Variants in C12orf42 observed in about 807,000 individuals in gnomAD.
C12orf42 encodes the protein uncharacterized protein C12orf42.
Under a neutral mutation model 21.6 loss-of-function variants are expected in C12orf42, and 25 were observed. The ratio of observed to expected loss-of-function variants is 1.16; its 90% CI spans 0.84 to 1.62. C12orf42 has a LOEUF of 1.62. C12orf42 is among the 40% of genes most tolerant of loss of function. The pLI is 0.00. For synonymous variants in C12orf42, 174 were observed against 175.0 expected (o/e 0.99, Z 0.05); for missense variants, 483 against 459.3 (o/e 1.05, Z -0.47).
the C12orf42 span, among the ~76,000 whole-genome samples, chr12:103,131,556 C>T: frequency 1.3e-5 from 2 of 152,140 alleles, no homozygotes; most frequent in African/African-American, 4.8e-5. Flanking sequence ...CATATCTCTT[C>T]GAACTTCCAA....
chr12:103,528,168 C>T, the C12orf42 span, among the ~76,000 whole-genome samples: 3 of 152,020 alleles, frequency 2.0e-5, no homozygotes, highest in Non-Finnish European at 2.9e-5. Context: ...TTAACAAATG[C>T]CAAACATAGG....
At chr12:103,323,255 T>G (rs193272960) in intron 4 of C12orf42, among the ~76,000 whole-genome samples, 1 of 152,210 alleles carries the variant, frequency 6.6e-6, no homozygotes, top group African/African-American at 2.4e-5. Context: ...ACAGCCTCCC[T>G]TTCTGACTTA....
intron 1 of C12orf42, among the ~76,000 whole-genome samples, chr12:103,480,043 T>C (rs910755754): frequency 6.6e-6 from 1 of 151,922 alleles, no homozygotes; most frequent in Middle Eastern, 3.2e-3. Flanking sequence ...TGAATAACTA[T>C]ATTGGTAAAA....
At chr12:103,529,129 C>A in the C12orf42 span, among the ~76,000 whole-genome samples, 1 of 152,162 alleles carries the variant, frequency 6.6e-6, no homozygotes, top group Admixed American at 6.5e-5. Context: ...CCTCCAGGTG[C>A]CTGAGCATGA....
chr12:103,331,094 AG>A (rs568249201), intron 4 of C12orf42, among the ~76,000 whole-genome samples: 61 of 152,328 alleles, frequency 4.0e-4, no homozygotes, highest in Non-Finnish European at 8.4e-4. Flanking sequence ...CAATAAACCC[AG>A]CATAAGTTGA....
At chr12:103,203,925 G>C in the C12orf42 span, among the ~76,000 whole-genome samples, 1 of 152,180 alleles carries the variant, frequency 6.6e-6, no homozygotes, top group African/African-American at 2.4e-5. Context: ...ATTTTTGATA[G>C]GAAGGACATT....
intron 4 of C12orf42, among the ~76,000 whole-genome samples, chr12:103,312,801 C>A (rs1197989000): frequency 2.0e-5 from 3 of 152,184 alleles, no homozygotes; most frequent in South Asian, 2.1e-4. Flanking sequence ...TTTCAAGGTA[C>A]AATAAAATGA....
the C12orf42 span, among the ~76,000 whole-genome samples, chr12:103,078,666 T>A: frequency 1.3e-5 from 2 of 152,256 alleles, no homozygotes; most frequent in Non-Finnish European, 2.9e-5. Flanking sequence ...GGTTAACTTA[T>A]ATCTAGAGAG....
the C12orf42 span, among the ~76,000 whole-genome samples, chr12:103,059,712 C>A: frequency 1.3e-5 from 2 of 152,136 alleles, no homozygotes; most frequent in African/African-American, 2.4e-5. Flanking sequence ...ATAAATAGAA[C>A]CAATGTCAAA....
chr12:103,505,699 G>A, the C12orf42 span: 1 of 218,278 alleles, frequency 4.6e-6, no homozygotes, highest in African/African-American at 2.4e-5. Context: ...TGTAGATGGA[G>A]AGGACAGTTT....
chr12:103,406,124 A>G (rs1174203671), intron 2 of C12orf42, among the ~76,000 whole-genome samples: 3 of 152,220 alleles, frequency 2.0e-5, no homozygotes, highest in Non-Finnish European at 2.9e-5. Flanking sequence ...CAATAAATTC[A>G]GGGAATACAC....
upstream of C12orf42, among the ~76,000 whole-genome samples, chr12:103,498,341 A>G (rs1565915159): frequency 6.6e-6 from 1 of 152,286 alleles, no homozygotes; most frequent in Non-Finnish European, 1.5e-5. Context: ...CAGATGCTCA[A>G]TAAATCGTTG....
chr12:103,202,684 T>G, the C12orf42 span, among the ~76,000 whole-genome samples: 1 of 152,242 alleles, frequency 6.6e-6, no homozygotes, highest in African/African-American at 2.4e-5. Flanking sequence ...TTCTGTCTGG[T>G]GGACAAATCT....
chr12:103,440,457 C>CAAAAAAAAAAAAAAAAAAAAA, intron 2 of C12orf42, among the ~76,000 whole-genome samples: 3 of 69,666 alleles, frequency 4.3e-5, no homozygotes, highest in Admixed American at 2.1e-4. Flanking sequence ...TCACAGATAC[C>CAAAAAAAAAAAAAAAAAAAAA]AAAAAAAAAA....
chr12:103,502,511 C>T, the C12orf42 span, among the ~76,000 whole-genome samples: 1 of 152,094 alleles, frequency 6.6e-6, no homozygotes, highest in East Asian at 1.9e-4. Context: ...CCTGCCTTTG[C>T]TCTTGCCACT....
the C12orf42 span, among the ~76,000 whole-genome samples, chr12:103,049,795 G>C: frequency 6.6e-6 from 1 of 152,012 alleles, no homozygotes; most frequent in Non-Finnish European, 1.5e-5. Context: ...CTTTCCCCTA[G>C]GTAATCTGCT....
the C12orf42 span, among the ~76,000 whole-genome samples, chr12:103,154,138 G>A: frequency 6.7e-6 from 1 of 149,416 alleles, no homozygotes; most frequent in Non-Finnish European, 1.5e-5. Flanking sequence ...ACTAATTATT[G>A]TTGACAAATA....
At chr12:103,485,698 A>C (rs770073711) in intron 1 of C12orf42, among the ~76,000 whole-genome samples, 1 of 152,084 alleles carries the variant, frequency 6.6e-6, no homozygotes, top group Non-Finnish European at 1.5e-5. Context: ...ATCCCTTGTA[A>C]GTTGTATTCC....
At chr12:103,333,364 T>C (rs748560328) in intron 4 of C12orf42, among the ~76,000 whole-genome samples, 1 of 152,226 alleles carries the variant, frequency 6.6e-6, no homozygotes, top group African/African-American at 2.4e-5. Flanking sequence ...ATTTGTTACA[T>C]AGTAAATGCT....
Sources: gnomAD v4.1 joint callset for allele counts (sites outside exome capture counted in the v4.1 genomes callset) on GRCh38, gnomAD v4.1.1 for gene constraint, MANE v1.5 for transcripts, NCBI Gene and HGNC (gene_info 2026-07-23, HGNC 2026-07-21) for gene names.